The following NRG1 variants were observed in gnomAD, a reference collection of about 807,000 sequenced individuals.
NRG1 encodes the protein neuregulin 1, also known as pro-neuregulin-1, membrane-bound isoform.
A neutral mutation model predicts 63.8 loss-of-function variants in NRG1; 18 were observed. That is an observed-to-expected ratio of 0.28 (90% CI 0.19 to 0.42). NRG1 has a LOEUF of 0.42. Among genes scored for constraint, NRG1 ranks in the 10% least tolerant of loss-of-function variants. The probability of loss-of-function intolerance (pLI) is 1.00; values close to 1 mark genes in which losing one functional copy is unlikely to be tolerated. For missense variants in NRG1, 762 were observed against 814.7 expected (o/e 0.94, Z 0.79); for synonymous variants, 302 against 301.3 (o/e 1.00, Z -0.02).
chr8:32,764,414 A>G, exon 12 of NRG1: 1 of 1,527,450 alleles, frequency 6.5e-7, no homozygotes, highest in African/African-American at 1.4e-5. Flanking sequence ...ACCTAAATAA[A>G]CACATAGATT....
intron 5 of NRG1, among the ~76,000 whole-genome samples, chr8:32,709,006 T>C (rs1349461599): frequency 4.6e-5 from 7 of 152,256 alleles, no homozygotes; most frequent in African/African-American, 7.2e-5. Context: ...TATTGCCTTT[T>C]CTTTTTATTA....
intron 1 of NRG1, among the ~76,000 whole-genome samples, chr8:32,513,325 A>G (rs1195820506): frequency 6.6e-6 from 1 of 151,798 alleles, no homozygotes; most frequent in Non-Finnish European, 1.5e-5. Context: ...TGGGGCTGTG[A>G]GGCAGGCTGA....
intron 1 of NRG1, among the ~76,000 whole-genome samples, chr8:31,761,633 C>A (rs1004432463): frequency 6.6e-6 from 1 of 151,992 alleles, no homozygotes; most frequent in East Asian, 1.9e-4. Flanking sequence ...GTTTGTGGAG[C>A]AGTTAGAACA....
At chr8:32,424,546 C>G (rs919246568) in intron 1 of NRG1, among the ~76,000 whole-genome samples, 1 of 152,114 alleles carries the variant, frequency 6.6e-6, no homozygotes, top group African/African-American at 2.4e-5. Flanking sequence ...GGTTTAAGTT[C>G]CAGATCTGCC....
At chr8:31,859,341 A>G (rs1270550555) in intron 1 of NRG1, among the ~76,000 whole-genome samples, 1 of 152,162 alleles carries the variant, frequency 6.6e-6, no homozygotes, top group Non-Finnish European at 1.5e-5. Flanking sequence ...TTCCATCATA[A>G]TCTTGTTTTT....
chr8:32,415,676 A>G (rs549854283), intron 1 of NRG1, among the ~76,000 whole-genome samples: 3 of 152,268 alleles, frequency 2.0e-5, no homozygotes, highest in South Asian at 4.1e-4. Flanking sequence ...TTCCCCTTTC[A>G]TACATACTTG....
intron 1 of NRG1, among the ~76,000 whole-genome samples, chr8:32,073,994 C>A (rs1021639002): frequency 6.6e-6 from 1 of 152,002 alleles, no homozygotes; most frequent in African/African-American, 2.4e-5. Context: ...CTACATTGTA[C>A]AAGTATCACT....
intron 5 of NRG1, among the ~76,000 whole-genome samples, chr8:32,721,111 C>T (rs962108976): frequency 1.3e-5 from 2 of 152,216 alleles, no homozygotes; most frequent in African/African-American, 2.4e-5. Flanking sequence ...GAAGCATTTT[C>T]TAATTCACTT....
chr8:32,058,795 A>C (rs1227957573), intron 1 of NRG1, among the ~76,000 whole-genome samples: 1 of 151,934 alleles, frequency 6.6e-6, no homozygotes, highest in Non-Finnish European at 1.5e-5. Context: ...TCTTGTTCTG[A>C]TGACTTGCAA....
At chr8:31,850,378 A>G (rs1827095538) in intron 1 of NRG1, among the ~76,000 whole-genome samples, 1 of 152,108 alleles carries the variant, frequency 6.6e-6, no homozygotes, top group South Asian at 2.1e-4. Context: ...TGGTCAGAGC[A>G]CTTAGGTTCC....
At chr8:32,195,909 G>C (rs1376204827) in intron 1 of NRG1, among the ~76,000 whole-genome samples, 1 of 152,196 alleles carries the variant, frequency 6.6e-6, no homozygotes, top group Non-Finnish European at 1.5e-5. Context: ...ATGACTCAGT[G>C]ATATAGAAAG....
chr8:31,772,678 A>G (rs1452937850), intron 1 of NRG1, among the ~76,000 whole-genome samples: 1 of 152,182 alleles, frequency 6.6e-6, no homozygotes, highest in African/African-American at 2.4e-5. Flanking sequence ...CACTCCTAAC[A>G]TGATCATGAA....
chr8:31,674,044 T>C (rs1379661677), intron 1 of NRG1, among the ~76,000 whole-genome samples: 1 of 152,196 alleles, frequency 6.6e-6, no homozygotes, highest in Non-Finnish European at 1.5e-5. Flanking sequence ...GATCATACAG[T>C]ATATGCCCTT....
chr8:31,667,352 A>G (rs942195912), intron 1 of NRG1, among the ~76,000 whole-genome samples: 1 of 152,170 alleles, frequency 6.6e-6, no homozygotes, highest in Admixed American at 6.5e-5. Flanking sequence ...GGGTTCATTT[A>G]TCAATTCATT....
intron 3 of NRG1, among the ~76,000 whole-genome samples, chr8:32,607,583 T>G (rs752368343): frequency 1.3e-5 from 2 of 152,172 alleles, no homozygotes; most frequent in African/African-American, 2.4e-5. Flanking sequence ...GAATTCCTTT[T>G]TTATTAATTT....
At chr8:32,385,182 G>A (rs1810845447) in intron 1 of NRG1, among the ~76,000 whole-genome samples, 1 of 151,874 alleles carries the variant, frequency 6.6e-6, no homozygotes, top group Admixed American at 6.6e-5. Flanking sequence ...ACCATGCCCG[G>A]CTAATTTTTT....
chr8:31,736,572 A>G (rs1814689032), intron 1 of NRG1, among the ~76,000 whole-genome samples: 1 of 152,162 alleles, frequency 6.6e-6, no homozygotes, highest in Non-Finnish European at 1.5e-5. Context: ...AACCAAGAAA[A>G]AAAAACTTAG....
intron 1 of NRG1, among the ~76,000 whole-genome samples, chr8:32,523,866 C>A (rs10105739): frequency 0.54 from 80,574 of 149,770 alleles, 22,065 homozygotes; most frequent in East Asian, 0.79. Flanking sequence ...AACTAACTAA[C>A]TAAATAAATA....
chr8:32,089,292 A>G (rs1263623792), intron 1 of NRG1, among the ~76,000 whole-genome samples: 1 of 152,130 alleles, frequency 6.6e-6, no homozygotes, highest in Non-Finnish European at 1.5e-5. Flanking sequence ...GCAAGAGTAA[A>G]CCTCTGTAAA....
Sources: allele counts gnomAD v4.1 joint callset (sites outside exome capture counted in the v4.1 genomes callset), GRCh38; gene constraint gnomAD v4.1.1; transcripts MANE v1.5; gene names NCBI Gene and HGNC (gene_info 2026-07-23, HGNC 2026-07-21).